ZCCHC2: variants seen among roughly 807,000 people sequenced by gnomAD.
ZCCHC2 encodes zinc finger CCHC domain-containing protein 2.
In ZCCHC2, 39 loss-of-function variants were observed where a neutral mutation model predicts 103.6. That is an observed-to-expected ratio of 0.38 (90% CI 0.29 to 0.49). ZCCHC2 has a LOEUF of 0.49. ZCCHC2 is among the 20% of genes least tolerant of loss of function. The pLI, the probability that ZCCHC2 is intolerant of heterozygous loss-of-function variation, is 0.96. For synonymous variants in ZCCHC2, 687 were observed against 608.9 expected (o/e 1.13, Z -1.89); for missense variants, 1,483 against 1,491.0 (o/e 0.99, Z 0.09).
Position 62,523,529 on chromosome 18 carries a change from GCGCCGCCGCCGCGACTGCCGCCCCCCGC to G in ZCCHC2, c.118_145del (p.Asp40ArgfsTer232). 2 of 948,248 alleles carry G rather than the reference GCGCCGCCGCCGCGACTGCCGCCCCCCGC, an allele frequency of 2.1e-6. No homozygotes were observed. The highest frequency in any genetic ancestry group is 2.5e-6 in the Non-Finnish European group (2 of 809,692). 58.7% of individuals were successfully genotyped at this position (948,248 alleles called of 1,614,324 possible). On this transcript the variant is annotated frameshift_variant, in exon 1 of 14. Transcript: ENST00000269499. LOFTEE classifies it high-confidence loss of function. Reference sequence around the variant, plus strand: ...CGCGGCCGGGCGCGAAGGCGCCTTCGCGCCGCCGCCGCGACTGCCGCCCCCCGCCGCCGCCGCCGCCGCCCGCGGGCCC... The same window carrying G: ...CGCGGCCGGGCGCGAAGGCGCCTTCGCGCCGCCGCCGCCGCCCGCGGGCCC...
chr18:62,523,289 CCCCCGG>C lies in ZCCHC2; in HGVS notation c.-126_-121del, dbSNP rs1177308628. On this transcript the variant is annotated 5_prime_UTR_variant, in exon 1 of 14. Transcript: ENST00000269499. ...CGCCCCCCTCGCCGGCCGAGACCCG[CCCCCGG>C]CCCCGGCCCTCCCCCGGCGGCATGG... The C allele has an allele frequency of 2.4e-6, 2 of 843,792 alleles. No individual in the cohort carries two copies. Among genetic ancestry groups the C allele is most frequent in the African/African-American group, 1.9e-5 (1 of 54,010 alleles). 52.3% of individuals were successfully genotyped at this position (843,792 alleles called of 1,614,324 possible). A position where few individuals can be genotyped will look rare whatever the true frequency, so the allele number is the denominator to read the frequency against.
At chr18:62,556,375 G>A in intron 6 of ZCCHC2, 78 bp downstream of exon 6, 2 of 1,171,144 alleles carry the variant, frequency 1.7e-6, no homozygotes. Flanking sequence ...TTTTGTGTAG[G>A]TTTGTCACTT....
intron 11 of ZCCHC2, among the ~76,000 whole-genome samples, chr18:62,565,468 AT>A (rs1456023665): frequency 6.6e-6 from 1 of 152,110 alleles, no homozygotes; most frequent in African/African-American, 2.4e-5. Context: ...TGTGTAAAGT[AT>A]TTTTTAGAAT....
chr18:62,538,381 G>A (rs1483567661), intron 1 of ZCCHC2, among the ~76,000 whole-genome samples: 9 of 151,960 alleles, frequency 5.9e-5, no homozygotes, highest in Admixed American at 5.2e-4. Context: ...AGTATTTACA[G>A]CAATATTAAA....
Position 62,577,047 on chromosome 18 carries a change from C to T in ZCCHC2, c.*468C>T, listed in dbSNP as rs1916875651. The T allele has an allele frequency of 6.3e-6, 1 of 159,020 alleles. No individual in the cohort carries two copies. The highest frequency in any genetic ancestry group is 6.1e-5 in the Admixed American group (1 of 16,312). 9.9% of individuals were successfully genotyped at this position (159,020 alleles called of 1,614,324 possible). ...CAGCCAGCCTCACTCTGTCTCCGGC[C>T]CGCAGCAGGAGCAGCCAGCAGTGCA... On this transcript the variant is annotated 3_prime_UTR_variant, in exon 14 of 14. Coordinates refer to ENST00000269499, the MANE Select transcript of ZCCHC2 (RefSeq NM_017742.6).
downstream of ZCCHC2, among the ~76,000 whole-genome samples, chr18:62,579,897 T>TG (rs1243183754): frequency 6.6e-6 from 1 of 151,982 alleles, no homozygotes; most frequent in Non-Finnish European, 1.5e-5. Flanking sequence ...CAATTTTTTT[T>TG]TTTTGGTACT....
chr18:62,546,239 C>T (rs530784025), intron 4 of ZCCHC2, among the ~76,000 whole-genome samples: 14 of 152,218 alleles, frequency 9.2e-5, no homozygotes, highest in African/African-American at 1.9e-4. Context: ...TGGTAACAGT[C>T]GTGAGGGTGC....
chr18:62,584,027 ATAACATCATATTTGATGT>A lies in ZCCHC2; in HGVS notation c.*74-416_*74-399del, dbSNP rs1192015567. Among the ~76,000 whole-genome samples, 8 of 152,274 alleles carry A rather than the reference ATAACATCATATTTGATGT, an allele frequency of 5.3e-5. No individual in the cohort carries two copies. The East Asian group carries it at 1.5e-3, about 29-fold the overall frequency. ...CTCAGGTTGGATTCCTAGGGTCAGA[ATAACATCATATTTGATGT>A]TACCGCTGCTTACAGATACAGCTGT... On this transcript the variant is annotated intron_variant and NMD_transcript_variant, in intron 14 of 14. Transcript: ENST00000585873.
chr18:62,537,892 A>G (rs1914997241), intron 1 of ZCCHC2, among the ~76,000 whole-genome samples: 1 of 152,234 alleles, frequency 6.6e-6, no homozygotes. Flanking sequence ...TGTTTCCACC[A>G]TCAATGTGTA....
intron 1 of ZCCHC2, among the ~76,000 whole-genome samples, chr18:62,537,493 C>T (rs1914979702): frequency 6.6e-6 from 1 of 152,186 alleles, no homozygotes; most frequent in Admixed American, 6.5e-5. Flanking sequence ...TCTTTATCAA[C>T]TTGACTATTC....
intron 11 of ZCCHC2, among the ~76,000 whole-genome samples, chr18:62,569,370 A>G (rs960784973): frequency 1.2e-4 from 19 of 152,170 alleles, no homozygotes; most frequent in African/African-American, 4.6e-4. Context: ...GTTCTTAAGA[A>G]GCCTCTGGAA....
intron 3 of ZCCHC2, among the ~76,000 whole-genome samples, chr18:62,544,364 G>A (rs1269135991): frequency 6.6e-6 from 1 of 152,100 alleles, no homozygotes; most frequent in African/African-American, 2.4e-5. Context: ...AATATGAAAT[G>A]GTACTACCAA....
intron 13 of ZCCHC2, among the ~76,000 whole-genome samples, chr18:62,575,884 A>G (rs1916822399): frequency 1.3e-5 from 2 of 152,092 alleles, no homozygotes; most frequent in South Asian, 4.1e-4. Flanking sequence ...TGTTTCATAG[A>G]GTAAGCAAAA....
intron 9 of ZCCHC2, among the ~76,000 whole-genome samples, chr18:62,563,598 T>G (rs960995436): frequency 3.3e-5 from 5 of 152,298 alleles, no homozygotes; most frequent in African/African-American, 1.2e-4. Flanking sequence ...TCAAGGCTGC[T>G]GTGAGCCATG....
chr18:62,572,344 C>T (rs1916629268), intron 12 of ZCCHC2, among the ~76,000 whole-genome samples: 1 of 152,168 alleles, frequency 6.6e-6, no homozygotes, highest in Non-Finnish European at 1.5e-5. Context: ...TTGGCCCTGT[C>T]CGAAGTGTTA....
At chr18:62,531,276 G>T (rs970150837) in intron 1 of ZCCHC2, among the ~76,000 whole-genome samples, 1 of 152,116 alleles carries the variant, frequency 6.6e-6, no homozygotes, top group Non-Finnish European at 1.5e-5. Context: ...GCCTAATCGG[G>T]TGTTTATGTT....
intron 1 of ZCCHC2, among the ~76,000 whole-genome samples, chr18:62,534,891 C>T (rs1598932319): frequency 6.6e-6 from 1 of 152,192 alleles, no homozygotes; most frequent in East Asian, 1.9e-4. Flanking sequence ...AAACACAAGT[C>T]CTAATGCAGT....
chr18:62,580,625 ACCCCTCCCGAGACGGTGTCACAGTGCTG>A, downstream of ZCCHC2, among the ~76,000 whole-genome samples: 1 of 5,326 alleles, frequency 1.9e-4, no homozygotes, highest in African/African-American at 2.4e-3. Flanking sequence ...GGCCAGGTGG[ACCCCTCCCGAGACGGTGTCACAGTGCTG>A]TGGAAGGCCA....
Position 62,574,660 on chromosome 18 carries a change from C to T in ZCCHC2, c.2579C>T (p.Ser860Phe), listed in dbSNP as rs1271240680. 4 of 1,613,902 alleles carry T rather than the reference C, an allele frequency of 2.5e-6. No individual in the cohort carries two copies. Among genetic ancestry groups the T allele is most frequent in the Non-Finnish European group, 2.5e-6 (3 of 1,179,896 alleles). The change falls in exon 13 of 14, where the codon TCT becomes TTT. Residue 860 changes from serine (S) to phenylalanine (F), a missense_variant. Around this residue, in one of 3 missense-constraint regions of ZCCHC2, gnomAD observed 884 missense variants for 907.5 expected, o/e 0.97. Transcript: ENST00000269499. ...CATAACCCAGGTAGTTTCCCAGGCT[C>T]TCCTGTTGCTACCACGGACCCCATC... is the stretch of plus-strand genomic sequence containing the variant. ...PIHNPGSFPG[S>F]PVATTDPITK...
Sources: gnomAD v4.1 joint callset for allele counts (sites outside exome capture counted in the v4.1 genomes callset) on GRCh38, gnomAD v4.1.1 for gene constraint, gnomAD v4.1.1 regional missense constraint, MANE v1.5 for transcripts, NCBI Gene and HGNC (gene_info 2026-07-23, HGNC 2026-07-21) for gene names.